Variants in ELOVL6 observed in about 807,000 individuals in gnomAD.
The protein encoded by ELOVL6 is ELOVL fatty acid elongase 6.
A neutral mutation model predicts 31.7 loss-of-function variants in ELOVL6; 8 were observed. The observed-to-expected ratio is 0.25, with a 90% CI of 0.15 to 0.45. The LOEUF (loss-of-function observed/expected upper bound fraction) is 0.45. ELOVL6 is among the 20% of genes least tolerant of loss of function. ELOVL6 has a pLI of 1.00. For missense variants in ELOVL6, 126 were observed against 326.4 expected (o/e 0.39, Z 4.73); for synonymous variants, 101 against 117.7 (o/e 0.86, Z 0.92).
chr4:110,186,884 T>C (rs1053489224), intron 1 of ELOVL6, among the ~76,000 whole-genome samples: 4 of 141,666 alleles, frequency 2.8e-5, no homozygotes, highest in South Asian at 2.2e-4. Context: ...TATATACACA[T>C]ATATATATAC....
At chr4:110,194,659 C>T (rs983179859) in intron 1 of ELOVL6, among the ~76,000 whole-genome samples, 2 of 152,234 alleles carry the variant, frequency 1.3e-5, no homozygotes, top group East Asian at 3.9e-4. Flanking sequence ...TCCATTAACA[C>T]GTGCTATGGT....
intron 1 of ELOVL6, among the ~76,000 whole-genome samples, chr4:110,144,706 G>A (rs1560843260): frequency 6.6e-6 from 1 of 152,102 alleles, no homozygotes; most frequent in African/African-American, 2.4e-5. Context: ...ATACAGGAGT[G>A]ACCATCACCA....
At chr4:110,160,811 A>G (rs186178644) in intron 1 of ELOVL6, among the ~76,000 whole-genome samples, 143 of 152,364 alleles carry the variant, frequency 9.4e-4, no homozygotes, top group African/African-American at 3.3e-3. Context: ...TCATGCAACA[A>G]ATAAAAGGGT....
intron 1 of ELOVL6, among the ~76,000 whole-genome samples, chr4:110,188,757 T>G (rs1344660221): frequency 6.6e-6 from 1 of 151,844 alleles, no homozygotes; most frequent in African/African-American, 2.4e-5. Flanking sequence ...CCAGGCATGG[T>G]GGCGTATGCC....
chr4:110,057,680 G>A (rs1318575526), intron 3 of ELOVL6, among the ~76,000 whole-genome samples: 1 of 151,474 alleles, frequency 6.6e-6, no homozygotes, highest in African/African-American at 2.4e-5. Context: ...GTGAAACCCC[G>A]TCTCTACTAA....
rs115677782 is a variant in ELOVL6 at position 110,153,899 on chromosome 4, C to A, written c.89+44348G>T. Among the ~76,000 whole-genome samples the A allele has an allele frequency of 6.0e-3, 919 of 152,216 alleles. 10 individuals are homozygous for A. The highest frequency in any genetic ancestry group is 0.021 in the African/African-American group (875 of 41,542). Reference sequence around the variant, plus strand: ...AAGCAGCTTTACAAGGCTTAGCTGTCCCCACTGCCCTAACAGCATTCTTTA... The same window carrying A: ...AAGCAGCTTTACAAGGCTTAGCTGTACCCACTGCCCTAACAGCATTCTTTA... On this transcript the variant is annotated intron_variant, in intron 1 of 3. Transcript: ENST00000302274.
At chr4:110,196,393 G>A (rs547477333) in intron 1 of ELOVL6, among the ~76,000 whole-genome samples, 17 of 152,248 alleles carry the variant, frequency 1.1e-4, no homozygotes, top group African/African-American at 3.6e-4. Context: ...AGCCAGCAGC[G>A]CGGTTCCGGC....
chr4:110,158,651 ATATATAT>A (rs1758535359), intron 1 of ELOVL6, among the ~76,000 whole-genome samples: 7 of 89,962 alleles, frequency 7.8e-5, no homozygotes, highest in African/African-American at 4.9e-4. Context: ...ATATATATAT[ATATATAT>A]TTTTTTTTTT....
chr4:110,072,514 G>T (rs1190291458), intron 2 of ELOVL6, among the ~76,000 whole-genome samples: 1 of 152,074 alleles, frequency 6.6e-6, no homozygotes, highest in Non-Finnish European at 1.5e-5. Flanking sequence ...GAAATCATGG[G>T]AATTTATCTG....
rs186159228 is a variant in ELOVL6, at chr4:110,095,535, T to A, written c.221+9962A>T. Among the ~76,000 whole-genome samples, 478 of 151,930 alleles carry A rather than the reference T, an allele frequency of 3.1e-3. 3 individuals are homozygous for A. The highest frequency in any genetic ancestry group is 0.011 in the African/African-American group (459 of 41,418). ...AGGAATGGGCAAGGTGTGTCTGTTTTGCAGGAAAAGATTCGATATACCATG... is the reference window on the plus strand; with the variant it reads ...AGGAATGGGCAAGGTGTGTCTGTTTAGCAGGAAAAGATTCGATATACCATG... On this transcript the variant is annotated intron_variant, in intron 2 of 3. Coordinates refer to ENST00000302274, the MANE Select transcript of ELOVL6 (RefSeq NM_024090.3).
chr4:110,163,646 T>C (rs903717535), intron 1 of ELOVL6, among the ~76,000 whole-genome samples: 4 of 152,182 alleles, frequency 2.6e-5, no homozygotes, highest in Non-Finnish European at 5.9e-5. Flanking sequence ...GACTTTAATA[T>C]GAGAAAATCT....
At chr4:110,118,365 C>A (rs975578631) in intron 1 of ELOVL6, among the ~76,000 whole-genome samples, 16 of 152,114 alleles carry the variant, frequency 1.1e-4, no homozygotes, top group African/African-American at 3.9e-4. Flanking sequence ...TTAGTTACTG[C>A]AGTCATCTCT....
At chr4:110,175,625 T>C (rs1363902791) in intron 1 of ELOVL6, among the ~76,000 whole-genome samples, 5 of 152,214 alleles carry the variant, frequency 3.3e-5, no homozygotes, top group African/African-American at 1.2e-4. Flanking sequence ...TTTATTATTA[T>C]TAAACTATGC....
At chr4:110,112,588 C>T (rs1045810015) in intron 1 of ELOVL6, among the ~76,000 whole-genome samples, 6 of 152,112 alleles carry the variant, frequency 3.9e-5, no homozygotes, top group African/African-American at 1.4e-4. Context: ...GAATTAAAAT[C>T]CGGGCTGAGT....
At chr4:110,163,490 A>T (rs147109864) in intron 1 of ELOVL6, among the ~76,000 whole-genome samples, 3 of 152,364 alleles carry the variant, frequency 2.0e-5, no homozygotes, top group Middle Eastern at 3.4e-3. Context: ...TGGCAAATAC[A>T]GGCTCCTCAA....
Position 110,084,093 on chromosome 4 carries a change from C to CATATATATG in ELOVL6, c.221+21395_221+21403dup, listed in dbSNP as rs1273224198. ...TATATATGCTATATATGATATATAA[C>CATATATATG]ATATATATGATATATATGATATATA... On this transcript the variant is annotated intron_variant, in intron 2 of 3. Transcript: ENST00000302274. 5.3e-5 allele frequency among the ~76,000 whole-genome samples: 4 copies of CATATATATG among 75,882 alleles called. 1 individual carries two copies. The highest frequency in any genetic ancestry group is 5.0e-4 in the East Asian group (1 of 2,010). 49.8% of individuals were successfully genotyped at this position (75,882 alleles called of 152,430 possible).
At position 110,192,192 on chromosome 4, in the gene ELOVL6, G is replaced by GA. The variant is rs34396636; in HGVS notation, c.89+6054dup. 2.5e-3 allele frequency among the ~76,000 whole-genome samples: 259 copies of GA among 104,022 alleles called. 2 individuals are homozygous for GA. The highest frequency in any genetic ancestry group is 9.1e-3 in the Admixed American group (92 of 10,088). 68.2% of individuals were successfully genotyped at this position (104,022 alleles called of 152,430 possible). ...GCAACAAGGGCAAAACTCCATCCAAGAAAAAAAAAAAAAAGAAAGAAAGAA... is the reference window on the plus strand; with the variant it reads ...GCAACAAGGGCAAAACTCCATCCAAGAAAAAAAAAAAAAAAGAAAGAAAGAA... On this transcript the variant is annotated intron_variant, in intron 1 of 3. Coordinates refer to ENST00000302274, the MANE Select transcript of ELOVL6 (RefSeq NM_024090.3).
At chr4:110,176,985 T>C (rs983619033) in intron 1 of ELOVL6, among the ~76,000 whole-genome samples, 2 of 152,234 alleles carry the variant, frequency 1.3e-5, no homozygotes, top group Non-Finnish European at 2.9e-5. Flanking sequence ...TCTGCCTGCC[T>C]CGGCCTCCCA....
At chr4:110,087,434 C>T (rs940069481) in intron 2 of ELOVL6, among the ~76,000 whole-genome samples, 5 of 152,156 alleles carry the variant, frequency 3.3e-5, no homozygotes, top group South Asian at 2.1e-4. Flanking sequence ...AATCACTATT[C>T]TTGTACCCTG....
Sources: allele counts gnomAD v4.1 joint callset (sites outside exome capture counted in the v4.1 genomes callset), GRCh38; gene constraint gnomAD v4.1.1; transcripts MANE v1.5; gene names NCBI Gene and HGNC (gene_info 2026-07-23, HGNC 2026-07-21).